Variants in LRRTM4 observed in about 807,000 individuals in gnomAD.
LRRTM4 encodes the protein leucine rich repeat transmembrane neuronal 4.
In LRRTM4, 25 loss-of-function variants were observed where a neutral mutation model predicts 47.6. The observed-to-expected ratio is 0.53, with a 90% CI of 0.38 to 0.73. LRRTM4 has a LOEUF of 0.73. Among genes scored for constraint, LRRTM4 ranks in the 30% least tolerant of loss-of-function variants. The pLI is 0.00. For missense variants in LRRTM4, 638 were observed against 713.4 expected (o/e 0.89, Z 1.20); for synonymous variants, 311 against 269.5 (o/e 1.15, Z -1.51).
chr2:76,966,667 T>C (rs1023272444), intron 3 of LRRTM4, among the ~76,000 whole-genome samples: 2 of 151,544 alleles, frequency 1.3e-5, no homozygotes, highest in African/African-American at 4.8e-5. Flanking sequence ...CTTCATCTTA[T>C]TAGAATCCTG....
chr2:77,049,122 TTATATATATATATA>T (rs3058032), intron 3 of LRRTM4, among the ~76,000 whole-genome samples: 8 of 62,698 alleles, frequency 1.3e-4, no homozygotes, highest in Admixed American at 1.8e-4. Context: ...ATTTCATTTT[TTATATATATATATA>T]TATATATATA....
intron 3 of LRRTM4, among the ~76,000 whole-genome samples, chr2:77,366,001 T>C (rs375231724): frequency 6.6e-6 from 1 of 151,044 alleles, no homozygotes; most frequent in Non-Finnish European, 1.5e-5. Context: ...ATAGTAATTA[T>C]AGACACTTGA....
intron 3 of LRRTM4, among the ~76,000 whole-genome samples, chr2:77,251,576 T>G (rs1276013221): frequency 6.6e-6 from 1 of 152,148 alleles, no homozygotes; most frequent in Non-Finnish European, 1.5e-5. Context: ...TTCACCTGTG[T>G]TTATTCATCT....
At chr2:77,100,478 G>C (rs545345509) in intron 3 of LRRTM4, among the ~76,000 whole-genome samples, 1 of 152,124 alleles carries the variant, frequency 6.6e-6, no homozygotes, top group African/African-American at 2.4e-5. Context: ...ATGATAGAAG[G>C]TTGGGTTAAA....
At chr2:76,766,101 C>T (rs1172849943) in intron 3 of LRRTM4, among the ~76,000 whole-genome samples, 2 of 152,118 alleles carry the variant, frequency 1.3e-5, no homozygotes, top group South Asian at 2.1e-4. Context: ...AGAGAAAGTA[C>T]CTCTGAATTT....
At position 77,455,041 on chromosome 2, in the gene LRRTM4, A is replaced by C. The variant is rs558872947; in HGVS notation, c.1551+63277T>G. ...AATCTCTACTAAAAATACAAAAATT[A>C]GCCAGATGTGGTGGCACACACCTGT... On this transcript the variant is annotated intron_variant, in intron 3 of 3. Transcript: ENST00000409884. 2.7e-3 allele frequency among the ~76,000 whole-genome samples: 412 copies of C among 152,240 alleles called. 1 individual carries two copies. Among genetic ancestry groups the C allele is most frequent in the African/African-American group, 9.7e-3 (405 of 41,552 alleles).
chr2:77,477,881 GAGAAAGAAAGAAAAAGAAAGAAAAAGAA>G (rs1677473762), intron 3 of LRRTM4, among the ~76,000 whole-genome samples: 1 of 97,846 alleles, frequency 1.0e-5, no homozygotes, highest in Admixed American at 1.2e-4. Context: ...AAGAAAGAAA[GAGAAAGAAAGAAAAAGAAAGAAAAAGAA>G]AGAAAGAAAG....
At chr2:77,041,860 A>G (rs1679046000) in intron 3 of LRRTM4, among the ~76,000 whole-genome samples, 2 of 150,348 alleles carry the variant, frequency 1.3e-5, no homozygotes, top group Non-Finnish European at 3.0e-5. Context: ...GCACTGACCT[A>G]ATATTTTCTG....
intron 3 of LRRTM4, among the ~76,000 whole-genome samples, chr2:77,308,084 T>G (rs2104186728): frequency 7.0e-6 from 1 of 142,030 alleles, no homozygotes; most frequent in African/African-American, 2.6e-5. Context: ...CATATATAGA[T>G]ATATAGATAT....
At chr2:77,183,692 C>T (rs960920284) in intron 3 of LRRTM4, among the ~76,000 whole-genome samples, 3 of 152,086 alleles carry the variant, frequency 2.0e-5, no homozygotes, top group Admixed American at 2.0e-4. Context: ...AAATATCCAA[C>T]AATGATAGAC....
At chr2:77,395,559 T>C (rs1404121498) in intron 3 of LRRTM4, among the ~76,000 whole-genome samples, 1 of 151,978 alleles carries the variant, frequency 6.6e-6, no homozygotes, top group African/African-American at 2.4e-5. Context: ...ACAACTTATC[T>C]CAAGCCTCTT....
At chr2:77,092,975 C>CCCT (rs1558576455) in intron 3 of LRRTM4, among the ~76,000 whole-genome samples, 2 of 148,084 alleles carry the variant, frequency 1.4e-5, no homozygotes, top group African/African-American at 5.3e-5. Context: ...TCTCAGAATT[C>CCCT]AGGCCTGTCC....
chr2:76,752,680 C>T (rs1672893076), intron 3 of LRRTM4, among the ~76,000 whole-genome samples: 1 of 152,174 alleles, frequency 6.6e-6, no homozygotes, highest in African/African-American at 2.4e-5. Context: ...TTCGTGGTTT[C>T]TGAGGAGCTC....
intron 3 of LRRTM4, among the ~76,000 whole-genome samples, chr2:77,258,904 A>T (rs1675841273): frequency 6.6e-6 from 1 of 152,036 alleles, no homozygotes; most frequent in African/African-American, 2.4e-5. Flanking sequence ...AATTAAAACA[A>T]AACAAAAACA....
chr2:77,004,568 G>A (rs113901246), intron 3 of LRRTM4, among the ~76,000 whole-genome samples: 3,093 of 152,226 alleles, frequency 0.02, 114 homozygotes, highest in African/African-American at 0.071. Flanking sequence ...GAGAACCTCT[G>A]CTAGAGCAGT....
chr2:77,036,263 T>C (rs904861598), intron 3 of LRRTM4, among the ~76,000 whole-genome samples: 3 of 151,806 alleles, frequency 2.0e-5, no homozygotes, highest in Non-Finnish European at 4.4e-5. Context: ...AAATAAATTT[T>C]ATTTAATTGG....
At chr2:76,845,218 C>A (rs919613110) in intron 3 of LRRTM4, among the ~76,000 whole-genome samples, 1 of 152,044 alleles carries the variant, frequency 6.6e-6, no homozygotes, top group Non-Finnish European at 1.5e-5. Context: ...TGGCCTCGTG[C>A]GGTGGCTCAC....
At chr2:77,049,214 G>A (rs955149585) in intron 3 of LRRTM4, among the ~76,000 whole-genome samples, 1 of 139,396 alleles carries the variant, frequency 7.2e-6, no homozygotes. Context: ...AGGCAACTTA[G>A]GTTCATTCCT....
At chr2:77,313,451 TGTAA>T (rs1677529718) in intron 3 of LRRTM4, among the ~76,000 whole-genome samples, 1 of 151,218 alleles carries the variant, frequency 6.6e-6, no homozygotes, top group African/African-American at 2.4e-5. Flanking sequence ...TACGTTTTCC[TGTAA>T]TCCTGTTGCT....
Sources: gnomAD v4.1 joint callset for allele counts (sites outside exome capture counted in the v4.1 genomes callset) on GRCh38, gnomAD v4.1.1 for gene constraint, MANE v1.5 for transcripts, NCBI Gene and HGNC (gene_info 2026-07-23, HGNC 2026-07-21) for gene names.